Variants in CTNNA3 observed in about 807,000 individuals in gnomAD.
CTNNA3 encodes the protein catenin alpha 3.
CTNNA3 carries 76 observed loss-of-function variants against 95.7 expected under a neutral mutation model. The ratio of observed to expected loss-of-function variants is 0.79; its 90% CI spans 0.66 to 0.96. The LOEUF (loss-of-function observed/expected upper bound fraction) is 0.96. Ranked by LOEUF, CTNNA3 falls within the 40% of genes least tolerant of loss-of-function variation. CTNNA3 has a pLI of 0.00. For synonymous variants in CTNNA3, 431 were observed against 374.4 expected (o/e 1.15, Z -1.74); for missense variants, 1,191 against 1,089.8 (o/e 1.09, Z -1.31).
At chr10:66,437,105 C>G (rs1367109313) in intron 11 of CTNNA3, among the ~76,000 whole-genome samples, 2 of 152,142 alleles carry the variant, frequency 1.3e-5, no homozygotes, top group Non-Finnish European at 2.9e-5. Flanking sequence ...ACGTTTCTCT[C>G]TGGCTGCTCT....
At chr10:66,029,039 C>A (rs988578420) in intron 15 of CTNNA3, among the ~76,000 whole-genome samples, 6 of 151,816 alleles carry the variant, frequency 4.0e-5, no homozygotes, top group African/African-American at 1.5e-4. Flanking sequence ...AGAATCAATA[C>A]AAAAGATCCA....
At chr10:67,411,176 AT>A (rs762473831) in intron 5 of CTNNA3, among the ~76,000 whole-genome samples, 48 of 152,178 alleles carry the variant, frequency 3.2e-4, no homozygotes, top group Non-Finnish European at 4.9e-4. Flanking sequence ...TGTACCTTAA[AT>A]TTCCAAAGAC....
At chr10:67,643,339 T>A (rs1839602031) in intron 2 of CTNNA3, among the ~76,000 whole-genome samples, 1 of 151,748 alleles carries the variant, frequency 6.6e-6, no homozygotes, top group Admixed American at 6.6e-5. Flanking sequence ...AGGGAGAGCA[T>A]CAGGAAGAAT....
At chr10:66,404,782 G>GTTTT (rs3998970) in intron 11 of CTNNA3, among the ~76,000 whole-genome samples, 5,110 of 149,182 alleles carry the variant, frequency 0.034, 246 homozygotes, top group East Asian at 0.21. Context: ...TTTCCTGTGG[G>GTTTT]TTTTTTTTTT....
chr10:66,711,606 T>C (rs1466568344), intron 9 of CTNNA3, among the ~76,000 whole-genome samples: 9 of 152,074 alleles, frequency 5.9e-5, no homozygotes, highest in Non-Finnish European at 1.2e-4. Flanking sequence ...TGGAGTGCAA[T>C]GGCGTGATCT....
chr10:67,165,866 T>C (rs142480534), intron 7 of CTNNA3, among the ~76,000 whole-genome samples: 1 of 151,924 alleles, frequency 6.6e-6, no homozygotes, highest in African/African-American at 2.4e-5. Context: ...TCTAAAGGAG[T>C]TGTCAAATTA....
At chr10:67,663,407 T>C (rs1188963956) in intron 1 of CTNNA3, among the ~76,000 whole-genome samples, 1 of 151,996 alleles carries the variant, frequency 6.6e-6, no homozygotes, top group Non-Finnish European at 1.5e-5. Context: ...TTGAATTGTT[T>C]TGTAGCTGGA....
chr10:66,725,021 T>C (rs1475285717), intron 9 of CTNNA3, among the ~76,000 whole-genome samples: 2 of 152,158 alleles, frequency 1.3e-5, no homozygotes, highest in Non-Finnish European at 2.9e-5. Context: ...ACAAAACCTA[T>C]GCACATCCTC....
intron 1 of CTNNA3, among the ~76,000 whole-genome samples, chr10:67,745,044 C>A (rs1315098527): frequency 2.0e-5 from 3 of 151,978 alleles, no homozygotes; most frequent in African/African-American, 4.8e-5. Context: ...AATAGGAACA[C>A]TTTTACACTG....
At chr10:66,170,826 A>T (rs796752649) in intron 13 of CTNNA3, among the ~76,000 whole-genome samples, 15 of 152,318 alleles carry the variant, frequency 9.8e-5, no homozygotes, top group African/African-American at 3.4e-4. Flanking sequence ...CAAGTGTGAA[A>T]AAACTGAAAG....
chr10:65,983,440 A>T (rs2078364108), intron 16 of CTNNA3, among the ~76,000 whole-genome samples: 1 of 151,564 alleles, frequency 6.6e-6, no homozygotes, highest in South Asian at 2.1e-4. Context: ...TCTAATTTAG[A>T]ATATCTGCTA....
intron 11 of CTNNA3, among the ~76,000 whole-genome samples, chr10:66,384,849 C>T (rs1345252182): frequency 6.6e-6 from 1 of 151,976 alleles, no homozygotes; most frequent in Non-Finnish European, 1.5e-5. Context: ...CTACTGGGTA[C>T]ATAACGAAAT....
intron 5 of CTNNA3, among the ~76,000 whole-genome samples, chr10:67,431,117 T>A (rs927979171): frequency 6.6e-6 from 1 of 151,972 alleles, no homozygotes; most frequent in Non-Finnish European, 1.5e-5. Context: ...CAAACTGTCA[T>A]AGGTATTTTC....
intron 16 of CTNNA3, among the ~76,000 whole-genome samples, chr10:65,983,777 GTTC>G (rs2078370901): frequency 6.6e-6 from 1 of 151,270 alleles, no homozygotes; most frequent in South Asian, 2.1e-4. Context: ...GAAGGTTTTA[GTTC>G]TTCTCTTTCT....
At chr10:67,762,773 G>A (rs1213928930) in intron 1 of CTNNA3, among the ~76,000 whole-genome samples, 2 of 152,182 alleles carry the variant, frequency 1.3e-5, no homozygotes, top group Non-Finnish European at 2.9e-5. Flanking sequence ...GGTAGTTAAA[G>A]ATCGACCCCT....
chr10:66,306,395 A>G lies in CTNNA3; in HGVS notation c.1733-25774T>C, dbSNP rs114983244. 3.3e-3 allele frequency among the ~76,000 whole-genome samples: 510 copies of G among 152,322 alleles called. 5 individuals carry two copies. Among genetic ancestry groups the G allele is most frequent in the African/African-American group, 0.012 (480 of 41,562 alleles). ...CACAAATTTATAGTATCTTAGTGTT[A>G]CTGCCAATATAGAAAGCCAAATGAC... On this transcript the variant is annotated intron_variant, in intron 12 of 17. Coordinates refer to ENST00000433211, the MANE Select transcript of CTNNA3 (RefSeq NM_013266.4).
intron 11 of CTNNA3, among the ~76,000 whole-genome samples, chr10:66,412,670 A>T (rs1032100152): frequency 1.3e-5 from 2 of 152,010 alleles, no homozygotes; most frequent in Non-Finnish European, 2.9e-5. Flanking sequence ...CGTATTAGCC[A>T]GGATGGTCTC....
intron 14 of CTNNA3, among the ~76,000 whole-genome samples, chr10:66,088,084 T>A (rs2081057374): frequency 6.6e-6 from 1 of 152,058 alleles, no homozygotes; most frequent in Non-Finnish European, 1.5e-5. Flanking sequence ...TAGCTATTTT[T>A]TCCTTATGTT....
Position 66,283,864 on chromosome 10 carries a change from A to G in CTNNA3, c.1733-3243T>C, listed in dbSNP as rs907204109. Among the ~76,000 whole-genome samples, 35 of 151,990 alleles carry G rather than the reference A, an allele frequency of 2.3e-4. 1 individual carries two copies. Among genetic ancestry groups the G allele is most frequent in the South Asian group, 6.2e-4 (3 of 4,818 alleles). On this transcript the variant is annotated intron_variant, in intron 12 of 17. Transcript: ENST00000433211. ...TTCAAGAAAATACAAAATGAGTATAAATAAGTAATCAGTTTATGGTAATTT... is the reference window on the plus strand; with the variant it reads ...TTCAAGAAAATACAAAATGAGTATAGATAAGTAATCAGTTTATGGTAATTT...
Sources: gnomAD v4.1 joint callset for allele counts (sites outside exome capture counted in the v4.1 genomes callset) on GRCh38, gnomAD v4.1.1 for gene constraint, MANE v1.5 for transcripts, NCBI Gene and HGNC (gene_info 2026-07-23, HGNC 2026-07-21) for gene names.